Variants in DIRAS2 observed in about 807,000 individuals in gnomAD.
DIRAS2 encodes the protein GTP-binding protein Di-Ras2.
A neutral mutation model predicts 13.9 loss-of-function variants in DIRAS2; 5 were observed. That is an observed-to-expected ratio of 0.36 (90% confidence interval 0.19 to 0.76). The LOEUF (loss-of-function observed/expected upper bound fraction) is 0.76, where lower values mean the gene tolerates loss of function less well. Among genes scored for constraint, DIRAS2 ranks in the 30% least tolerant of loss-of-function variants. The pLI, the probability that DIRAS2 is intolerant of heterozygous loss-of-function variation, is 0.53. For missense variants in DIRAS2, 191 were observed against 263.0 expected (o/e 0.73, Z 1.89); for synonymous variants, 111 against 105.4 (o/e 1.05, Z -0.33).
At chr9:90,641,644 C>A (rs2290892) in intron 1 of DIRAS2, among the ~76,000 whole-genome samples, 37,620 of 151,882 alleles carry the variant, frequency 0.25, 4,974 homozygotes, top group Middle Eastern at 0.36. Flanking sequence ...TAATTTTATC[C>A]TCCCCTTTTC....
At chr9:90,615,556 CTTAG>C (rs949814165) in intron 1 of DIRAS2, among the ~76,000 whole-genome samples, 6 of 152,128 alleles carry the variant, frequency 3.9e-5, no homozygotes, top group Admixed American at 3.9e-4. Context: ...TCAATCGTGT[CTTAG>C]TTTGTTTTCT....
chr9:90,622,069 T>C (rs1238183384), intron 1 of DIRAS2, among the ~76,000 whole-genome samples: 1 of 152,040 alleles, frequency 6.6e-6, no homozygotes, highest in Non-Finnish European at 1.5e-5. Context: ...CTGGGAAACA[T>C]AGCAAGACAC....
At chr9:90,636,196 C>T (rs927989543) in intron 1 of DIRAS2, among the ~76,000 whole-genome samples, 1 of 151,822 alleles carries the variant, frequency 6.6e-6, no homozygotes, top group Non-Finnish European at 1.5e-5. Flanking sequence ...CGCCACCACA[C>T]CCGGCTAATT....
Position 90,613,212 on chromosome 9 carries a change from C to T in DIRAS2, c.*16G>A. The T allele has an allele frequency of 1.3e-6, 2 of 1,599,170 alleles. No homozygotes were observed. The highest frequency in any genetic ancestry group is 1.7e-6 in the Non-Finnish European group (2 of 1,171,806). ...GTGCCGGGGACACACAGCTGCTCCT[C>T]CCGCAGGAAGGGCCTTCACATGATC... On this transcript the variant is annotated 3_prime_UTR_variant, in exon 2 of 2. Coordinates refer to ENST00000375765, the MANE Select transcript of DIRAS2 (RefSeq NM_017594.5). This position sits in a 1 kb window ranked among gnomAD's most constrained non-coding sequence, Gnocchi z 5.6.
At chr9:90,635,333 A>G (rs1825360743) in intron 1 of DIRAS2, among the ~76,000 whole-genome samples, 1 of 152,272 alleles carries the variant, frequency 6.6e-6, no homozygotes, top group South Asian at 2.1e-4. Context: ...AACCCAAATT[A>G]GTAAGAACTG....
Position 90,613,629 on chromosome 9 carries a change from G to A in DIRAS2, c.199C>T (p.Gln67Ter). Residue 67 changes from glutamine to a stop codon, truncating the protein, a stop_gained, in exon 2 of 2, where the codon CAG (glutamine) becomes TAG (stop). Transcript: ENST00000375765. LOFTEE classifies it high-confidence loss of function. The surrounding 1 kb of genome is among the most constrained non-coding windows in gnomAD (Gnocchi z 5.6). ...LQITDTTGSH[Q>*]FPAMQRLSIS... ...GACAGCCGCTGCATGGCCGGGAACT[G>A]GTGGCTCCCCGTCGTGTCGGTGATC... 1 of 1,614,184 alleles carries A rather than the reference G, an allele frequency of 6.2e-7. No homozygotes were observed. The highest frequency in any genetic ancestry group is 8.5e-7 in the Non-Finnish European group (1 of 1,180,040).
chr9:90,635,544 A>G (rs544896189), intron 1 of DIRAS2, among the ~76,000 whole-genome samples: 1 of 152,372 alleles, frequency 6.6e-6, no homozygotes, highest in African/African-American at 2.4e-5. Flanking sequence ...GTCCACACCA[A>G]AAGCTGAACT....
chr9:90,636,027 CTTTTTTTTTTTTTTTT>C (rs1172661795), intron 1 of DIRAS2, among the ~76,000 whole-genome samples: 2 of 66,250 alleles, frequency 3.0e-5, no homozygotes, highest in Non-Finnish European at 2.7e-5. Flanking sequence ...ACTGAATATT[CTTTTTTTTTTTTTTTT>C]TTTTTTTTTT....
At chr9:90,622,895 T>C (rs1217991507) in intron 1 of DIRAS2, among the ~76,000 whole-genome samples, 1 of 152,180 alleles carries the variant, frequency 6.6e-6, no homozygotes, top group African/African-American at 2.4e-5. Flanking sequence ...GGGGACACTT[T>C]CTTCTATTTT....
intron 1 of DIRAS2, among the ~76,000 whole-genome samples, chr9:90,616,044 G>T (rs1047150464): frequency 1.3e-5 from 2 of 152,168 alleles, no homozygotes; most frequent in African/African-American, 4.8e-5. Context: ...TAGAGCATAA[G>T]CATCTAGCTG....
rs556972155 is a variant in DIRAS2 at position 90,613,492 on chromosome 9, C to T, written c.336G>A (p.Glu112=). Reference sequence around the variant, plus strand: ...TCCCCACCAGCATGATGGGGATGCTCTCCACGTCCCCTTTGATCTCGCAGA... The same window carrying T: ...TCCCCACCAGCATGATGGGGATGCTTTCCACGTCCCCTTTGATCTCGCAGA... ...EQICEIKGDV[E]SIPIMLVGNK... Residue 112 remains glutamate (E), a synonymous_variant, in exon 2 of 2, where the codon GAG becomes GAA. Transcript: ENST00000375765. This position sits in a 1 kb window ranked among gnomAD's most constrained non-coding sequence, Gnocchi z 5.6. 7 of 1,614,122 alleles carry T rather than the reference C, an allele frequency of 4.3e-6. No individual in the cohort carries two copies. The highest frequency in any genetic ancestry group is 3.3e-5 in the Admixed American group (2 of 60,014).
At chr9:90,631,634 C>T (rs1205463217) in intron 1 of DIRAS2, among the ~76,000 whole-genome samples, 1 of 152,048 alleles carries the variant, frequency 6.6e-6, no homozygotes, top group Admixed American at 6.5e-5. Context: ...GAGCCCACAC[C>T]CTATCTTTGC....
At chr9:90,619,240 G>C (rs1461882053) in intron 1 of DIRAS2, among the ~76,000 whole-genome samples, 1 of 152,136 alleles carries the variant, frequency 6.6e-6, no homozygotes, top group Non-Finnish European at 1.5e-5. Flanking sequence ...AGGAGTTCAA[G>C]ACCAGCCTGG....
chr9:90,623,949 G>T (rs1587722519), intron 1 of DIRAS2, among the ~76,000 whole-genome samples: 1 of 152,198 alleles, frequency 6.6e-6, no homozygotes. Flanking sequence ...TTTGGAAAAG[G>T]TTGATAATTT....
intron 1 of DIRAS2, among the ~76,000 whole-genome samples, chr9:90,615,727 C>G (rs1461617087): frequency 6.6e-6 from 1 of 152,136 alleles, no homozygotes; most frequent in Non-Finnish European, 1.5e-5. Context: ...TAAGACAGAG[C>G]AAGCATGTCA....
At chr9:90,639,988 A>G (rs1247997277) in intron 1 of DIRAS2, among the ~76,000 whole-genome samples, 2 of 152,232 alleles carry the variant, frequency 1.3e-5, no homozygotes, top group Admixed American at 1.3e-4. Flanking sequence ...TGTGTGGGCT[A>G]TTGAGCACTG....
chr9:90,621,069 C>A (rs1442382820), intron 1 of DIRAS2, among the ~76,000 whole-genome samples: 2 of 151,958 alleles, frequency 1.3e-5, no homozygotes, highest in Admixed American at 6.6e-5. Flanking sequence ...GAAAGTAAAT[C>A]TTTGATTTCA....
At chr9:90,634,570 A>G (rs1825354547) in intron 1 of DIRAS2, among the ~76,000 whole-genome samples, 1 of 152,224 alleles carries the variant, frequency 6.6e-6, no homozygotes, top group South Asian at 2.1e-4. Flanking sequence ...ATGTTCTTTC[A>G]TATCCAAAAC....
At position 90,613,122 on chromosome 9, in the gene DIRAS2, T is replaced by C. The variant is rs1460442273; in HGVS notation, c.*106A>G. The C allele has an allele frequency of 4.1e-6, 6 of 1,469,384 alleles. No homozygotes were observed. Among genetic ancestry groups the C allele is most frequent in the Non-Finnish European group, 4.6e-6 (5 of 1,093,066 alleles). The allele number at this position is 1,469,384 out of a possible 1,614,324, so 91.0% of individuals were successfully genotyped here. A position where few individuals can be genotyped will look rare whatever the true frequency, so the allele number is the denominator to read the frequency against. On this transcript the variant is annotated 3_prime_UTR_variant, in exon 2 of 2. Coordinates refer to ENST00000375765, the MANE Select transcript of DIRAS2 (RefSeq NM_017594.5). This position sits in a 1 kb window ranked among gnomAD's most constrained non-coding sequence, Gnocchi z 5.6. Reference sequence around the variant, plus strand: ...TAGGACGCATCTCGATTAAATGCAATGTTTAACACGTGGGCATTATACATG... The same window carrying C: ...TAGGACGCATCTCGATTAAATGCAACGTTTAACACGTGGGCATTATACATG...
Sources: gnomAD v4.1 joint callset for allele counts (sites outside exome capture counted in the v4.1 genomes callset) on GRCh38, gnomAD v4.1.1 for gene constraint, Gnocchi (gnomAD v3.1) non-coding constraint, MANE v1.5 for transcripts, NCBI Gene and HGNC (gene_info 2026-07-23, HGNC 2026-07-21) for gene names.